Variants in RBFOX3 observed in about 807,000 individuals in gnomAD.
RBFOX3 encodes RNA binding protein fox-1 homolog 3.
RBFOX3 carries 17 observed loss-of-function variants against 48.7 expected under a neutral mutation model. That is an observed-to-expected ratio of 0.35 (90% CI 0.24 to 0.52). The LOEUF is 0.52. RBFOX3 is among the 20% of genes least tolerant of loss of function. The pLI is 0.94. For synonymous variants in RBFOX3, 212 were observed against 209.5 expected, an observed-to-expected ratio of 1.01 and a Z score of -0.10; for missense variants, 382 against 497.5, an observed-to-expected ratio of 0.77 and a Z score of 2.21.
At position 79,515,192 on chromosome 17, in the gene RBFOX3, T is replaced by C. The variant is rs1010462190; in HGVS notation, c.-319-32594A>G. On this transcript the variant is annotated intron_variant, in intron 1 of 14. Transcript: ENST00000693108. ...GAGGAGCAACACTCAAGCCAAGTGC[T>C]GAGCTTCCATCTGGATCAGCAGAGC... Among the ~76,000 whole-genome samples, 7 of 152,290 alleles carry C rather than the reference T, an allele frequency of 4.6e-5. No individual in the cohort carries two copies. In the South Asian group the frequency reaches 8.3e-4, roughly 18 times the overall value.
intron 4 of RBFOX3, among the ~76,000 whole-genome samples, chr17:79,182,263 C>G (rs1033735135): frequency 6.6e-6 from 1 of 152,322 alleles, no homozygotes. Flanking sequence ...CAGCCGCCCC[C>G]ACCCCTGCAG....
At chr17:79,451,396 A>C (rs2073476348) in intron 2 of RBFOX3, among the ~76,000 whole-genome samples, 1 of 152,208 alleles carries the variant, frequency 6.6e-6, no homozygotes, top group Non-Finnish European at 1.5e-5. Context: ...TGAACCCAGA[A>C]GACAAGCTTG....
Position 79,199,245 on chromosome 17 carries a change from C to G in RBFOX3, c.-34+36521G>C, listed in dbSNP as rs554319602. Among the ~76,000 whole-genome samples, 1 of 152,142 alleles carries G rather than the reference C, an allele frequency of 6.6e-6. No homozygotes were observed. Among genetic ancestry groups the G allele is most frequent in the Non-Finnish European group, 1.5e-5 (1 of 67,996 alleles). On this transcript the variant is annotated intron_variant, in intron 4 of 14. Coordinates refer to ENST00000693108, the MANE Select transcript of RBFOX3 (RefSeq NM_001350451.2). The surrounding 1 kb of genome is among the most constrained non-coding windows in gnomAD (Gnocchi z 5.1). ...GGGCCTTTCGAAAAGACCTCCCTAG[C>G]CCCCCACCCTCGGCAGCACCACCCA...
At chr17:79,370,003 T>C (rs878992357) in intron 2 of RBFOX3, among the ~76,000 whole-genome samples, 1 of 152,004 alleles carries the variant, frequency 6.6e-6, no homozygotes, top group African/African-American at 2.4e-5. Context: ...TTAGATGGAG[T>C]TTGGGATCCC....
chr17:79,491,202 G>T (rs1377795923), intron 1 of RBFOX3, among the ~76,000 whole-genome samples: 2 of 129,458 alleles, frequency 1.5e-5, no homozygotes, highest in Admixed American at 1.6e-4. Context: ...AGGAGGGCAG[G>T]TGCAGAGCCT....
intron 3 of RBFOX3, among the ~76,000 whole-genome samples, chr17:79,298,753 C>G (rs1405014672): frequency 6.6e-6 from 1 of 152,200 alleles, no homozygotes; most frequent in African/African-American, 2.4e-5. Context: ...ACTGCCCCCA[C>G]TTACACACCT....
intron 3 of RBFOX3, among the ~76,000 whole-genome samples, chr17:79,267,826 T>C (rs1163502865): frequency 6.6e-6 from 1 of 152,114 alleles, no homozygotes; most frequent in African/African-American, 2.4e-5. Context: ...TGTGGAAACC[T>C]GGGCGTGTCA....
At chr17:79,358,372 C>T (rs992395506) in intron 2 of RBFOX3, among the ~76,000 whole-genome samples, 2 of 152,198 alleles carry the variant, frequency 1.3e-5, no homozygotes, top group Admixed American at 1.3e-4. Flanking sequence ...ACCCCACCAT[C>T]GGCACACTGC....
intron 3 of RBFOX3, among the ~76,000 whole-genome samples, chr17:79,297,115 A>G (rs1048759816): frequency 2.0e-5 from 3 of 151,742 alleles, no homozygotes; most frequent in African/African-American, 7.3e-5. Context: ...AAGGCCCACT[A>G]CCTGCCTTGT....
chr17:79,293,396 T>C (rs1293356499), intron 3 of RBFOX3, among the ~76,000 whole-genome samples: 1 of 98,616 alleles, frequency 1.0e-5, no homozygotes, highest in African/African-American at 4.0e-5. Context: ...TCCTTTCCCT[T>C]CCCTCCCCTC....
At chr17:79,441,503 C>T (rs2070906356) in intron 2 of RBFOX3, among the ~76,000 whole-genome samples, 1 of 152,194 alleles carries the variant, frequency 6.6e-6, no homozygotes, top group African/African-American at 2.4e-5. Flanking sequence ...ATTGGAGAGA[C>T]GCTGCCTTGA....
At chr17:79,155,260 C>T (rs904292413) in intron 4 of RBFOX3, among the ~76,000 whole-genome samples, 3 of 152,236 alleles carry the variant, frequency 2.0e-5, no homozygotes, top group Admixed American at 2.0e-4. Context: ...GCTCAGAACC[C>T]GCCCCACACC....
At chr17:79,592,490 T>G (rs1223225961) in intron 1 of RBFOX3, among the ~76,000 whole-genome samples, 1 of 151,950 alleles carries the variant, frequency 6.6e-6, no homozygotes, top group African/African-American at 2.4e-5. Flanking sequence ...GTACGTGCGT[T>G]TATGCAGTGT....
chr17:79,143,544 A>T (rs2042368861), intron 4 of RBFOX3, among the ~76,000 whole-genome samples: 1 of 152,192 alleles, frequency 6.6e-6, no homozygotes, highest in African/African-American at 2.4e-5. Context: ...TGTGCAGAGC[A>T]GTTCCTTGAT....
rs941105834 is a variant in RBFOX3, at chr17:79,115,717, G to A, written c.-2C>T. On this transcript the variant is annotated 5_prime_UTR_variant, in exon 5 of 15. Coordinates refer to ENST00000693108, the MANE Select transcript of RBFOX3 (RefSeq NM_001350451.2). ...GGCGGGGGGGTAGGGCTGGGCCATCGCTTCAGGCGGAGCCGTGGCGTCCTG... is the reference window on the plus strand; with the variant it reads ...GGCGGGGGGGTAGGGCTGGGCCATCACTTCAGGCGGAGCCGTGGCGTCCTG... The A allele has an allele frequency of 2.1e-5, 18 of 855,400 alleles. No individual in the cohort carries two copies. The highest frequency in any genetic ancestry group is 6.5e-4 in the Middle Eastern group (2 of 3,092). 53.0% of individuals were successfully genotyped at this position (855,400 alleles called of 1,614,324 possible).
At chr17:79,146,362 C>T (rs961254038) in intron 4 of RBFOX3, among the ~76,000 whole-genome samples, 1 of 152,204 alleles carries the variant, frequency 6.6e-6, no homozygotes, top group Non-Finnish European at 1.5e-5. Flanking sequence ...GGGAGAGCTT[C>T]CCCAGGGGCC....
At chr17:79,430,794 C>G (rs1461829983) in intron 2 of RBFOX3, among the ~76,000 whole-genome samples, 2 of 152,226 alleles carry the variant, frequency 1.3e-5, no homozygotes, top group African/African-American at 4.8e-5. Flanking sequence ...ATCCACCCGC[C>G]TCGGCCTCCC....
chr17:79,442,981 C>T (rs1428396464), intron 2 of RBFOX3, among the ~76,000 whole-genome samples: 1 of 152,214 alleles, frequency 6.6e-6, no homozygotes, highest in African/African-American at 2.4e-5. Context: ...GAAGCAGCGC[C>T]CAGCAGCTCG....
At chr17:79,141,294 T>G (rs2144215189) in intron 4 of RBFOX3, among the ~76,000 whole-genome samples, 1 of 152,298 alleles carries the variant, frequency 6.6e-6, no homozygotes, top group South Asian at 2.1e-4. Flanking sequence ...GCAGGAATGC[T>G]TATGAGCAGG....
Sources: allele counts gnomAD v4.1 joint callset (sites outside exome capture counted in the v4.1 genomes callset), GRCh38; gene constraint gnomAD v4.1.1; non-coding constraint Gnocchi (gnomAD v3.1); transcripts MANE v1.5; gene names NCBI Gene and HGNC (gene_info 2026-07-23, HGNC 2026-07-21).